CKB: variants seen among roughly 807,000 people sequenced by gnomAD.
CKB encodes creatine kinase B-type.
CKB carries 15 observed loss-of-function variants against 36.9 expected under a neutral mutation model. The ratio of observed to expected loss-of-function variants is 0.41; its 90% CI spans 0.27 to 0.63. The LOEUF (loss-of-function observed/expected upper bound fraction) is 0.63. CKB is among the 20% of genes least tolerant of loss of function. The pLI is 0.34. For missense variants in CKB, 413 were observed against 534.9 expected (o/e 0.77, Z 2.25); for synonymous variants, 250 against 228.2 (o/e 1.10, Z -0.86).
chr14:103,522,612 G>A lies in CKB; in HGVS notation c.-12-107C>T, dbSNP rs1303905072. 8.6e-6 allele frequency: 7 copies of A among 809,656 alleles called. No individual in the cohort carries two copies. In the African/African-American group the frequency reaches 1.3e-4, roughly 15 times the overall value. 50.2% of individuals were successfully genotyped at this position (809,656 alleles called of 1,614,324 possible). ...GGCCCCCCGGCGCCCCCCGGGACGC[G>A]GCCAAGGTCAGCGGGGTCCGCAGCG... On this transcript the variant is annotated intron_variant, in intron 1 of 7. Transcript: ENST00000348956. This position sits in a 1 kb window ranked among gnomAD's most constrained non-coding sequence, Gnocchi z 6.7.
intron 6 of CKB, 22 bp from the exon 7 acceptor site, chr14:103,520,333 T>A: frequency 6.3e-7 from 1 of 1,595,890 alleles, no homozygotes. Flanking sequence ...GAAGAGGGTA[T>A]GAGGGAGAAG....
rs758979411 is a variant in CKB at position 103,522,219 on chromosome 14, C to G, written c.194-42G>C. 6.4e-7 allele frequency: 1 copy of G among 1,551,052 alleles called. No homozygotes were observed. The highest frequency in any genetic ancestry group is 1.4e-5 in the African/African-American group (1 of 72,082). ...GGGACGGGGACAGTGACGTCACTGC[C>G]GGGCCCGAGCGCGCTGCTGAGGACC... On this transcript the variant is annotated intron_variant, in intron 2 of 7. Coordinates refer to ENST00000348956, the MANE Select transcript of CKB (RefSeq NM_001823.5). This position sits in a 1 kb window ranked among gnomAD's most constrained non-coding sequence, Gnocchi z 6.7.
In CKB at chr14:103,520,172, T is replaced by C; in HGVS notation, c.917A>G (p.Glu306Gly). 2 of 1,611,570 alleles carry C rather than the reference T, an allele frequency of 1.2e-6. No individual in the cohort carries two copies. ...CCGCTTAAGCACCTCCGAGAACTTC[T>C]CATGCTTGCCCAGGTTGGGCAGCTT... The part of the protein sequence containing the change: ...HIKLPNLGKH[E>G]KFSEVLKRLR... The change falls in exon 7 of 8, where the codon GAG (glutamate) becomes GGG (glycine). Residue 306 changes from glutamate (E) to glycine (G), a missense_variant. This residue lies in a region of CKB where 314 missense variants were observed against 409.4 expected (regional missense o/e 0.77). Coordinates refer to ENST00000348956, the MANE Select transcript of CKB (RefSeq NM_001823.5).
Position 103,522,387 on chromosome 14 carries a change from G to C in CKB, c.107C>G (p.Pro36Arg). Residue 36 changes from proline to arginine, a missense_variant, in exon 2 of 8, where the codon CCC becomes CGC. Around this residue, in one of 3 missense-constraint regions of CKB, gnomAD observed 74 missense variants for 70.6 expected, o/e 1.05. Transcript: ENST00000348956. This position sits in a 1 kb window ranked among gnomAD's most constrained non-coding sequence, Gnocchi z 6.7. ...GGCGCGCAGCTCCGCGTACAGCTCG[G>C]GGGTCAGCACCTTGGCCATGTGGTT... ...HNNHMAKVLT[P>R]ELYAELRAKS... 1.2e-6 allele frequency: 2 copies of C among 1,611,664 alleles called. No individual in the cohort carries two copies. The highest frequency in any genetic ancestry group is 2.2e-5 in the South Asian group (2 of 91,032).
rs747114408 is a variant in CKB, at chr14:103,521,915, G to C, written c.384C>G (p.Ser128Arg). The stretch of plus-strand genomic sequence containing the variant: ...TGCTGCGGCCCGTGCGCACCCGCGA[G>C]CTCAGCACGTAGTTGGGGTCCAGGT... Reference protein sequence around the residue: ...GDDLDPNYVLSSRVRTGRSIR... With the variant: ...GDDLDPNYVLRSRVRTGRSIR... The change falls in exon 4 of 8, where the codon AGC becomes AGG. Residue 128 changes from serine (S) to arginine (R), a missense_variant. Around this residue, in one of 3 missense-constraint regions of CKB, gnomAD observed 314 missense variants for 409.4 expected, o/e 0.77. Coordinates refer to ENST00000348956, the MANE Select transcript of CKB (RefSeq NM_001823.5). 2 of 1,580,528 alleles carry C rather than the reference G, an allele frequency of 1.3e-6. No individual in the cohort carries two copies. The highest frequency in any genetic ancestry group is 1.7e-6 in the Non-Finnish European group (2 of 1,171,628).
chr14:103,522,086 G>A lies in CKB; in HGVS notation c.285C>T (p.Asp95=). The A allele has an allele frequency of 6.4e-7, 1 of 1,571,014 alleles. No individual in the cohort carries two copies. The highest frequency in any genetic ancestry group is 8.6e-7 in the Non-Finnish European group (1 of 1,158,606). Residue 95 remains aspartate, a synonymous_variant, in exon 3 of 8, where the codon GAC becomes GAT. Transcript: ENST00000348956. This position sits in a 1 kb window ranked among gnomAD's most constrained non-coding sequence, Gnocchi z 6.7. ...FKDLFDPIIE[D]RHGGYKPSDE... ...CGCTGGGCTTGTAGCCGCCGTGCCGGTCCTCGATGATGGGGTCGAAGAGAT... is the reference window on the plus strand; with the variant it reads ...CGCTGGGCTTGTAGCCGCCGTGCCGATCCTCGATGATGGGGTCGAAGAGAT...
Position 103,521,505 on chromosome 14 carries a change from C to A in CKB, c.482-71G>T, listed in dbSNP as rs575158421. The A allele has an allele frequency of 3.8e-3, 5,134 of 1,341,294 alleles. 19 individuals carry two copies. The highest frequency in any genetic ancestry group is 0.015 in the Middle Eastern group (55 of 3,690). The allele number at this position is 1,341,294 out of a possible 1,614,324, so 83.1% of individuals were successfully genotyped here. Reference sequence around the variant, plus strand: ...CCAGCCCGCAGCGCGGACCCGCCCGCCCCCGTGCCCCACCTCGGGGGACGT... The same window carrying A: ...CCAGCCCGCAGCGCGGACCCGCCCGACCCCGTGCCCCACCTCGGGGGACGT... On this transcript the variant is annotated intron_variant, in intron 4 of 7. Transcript: ENST00000348956.
chr14:103,520,693 G>A (rs1200227671), intron 5 of CKB, 101 bp from the exon 6 acceptor site: 1 of 1,437,408 alleles, frequency 7.0e-7, no homozygotes, highest in African/African-American at 1.4e-5. Context: ...TCCCTGCCAT[G>A]CCCAGGAGTG....
chr14:103,522,220 G>A lies in CKB; in HGVS notation c.194-43C>T, dbSNP rs1204495693. The stretch of plus-strand genomic sequence containing the variant: ...GGACGGGGACAGTGACGTCACTGCC[G>A]GGCCCGAGCGCGCTGCTGAGGACCC... On this transcript the variant is annotated intron_variant, in intron 2 of 7. Transcript: ENST00000348956. This position sits in a 1 kb window ranked among gnomAD's most constrained non-coding sequence, Gnocchi z 6.7. 5.7e-6 allele frequency: 9 copies of A among 1,584,358 alleles called. No individual in the cohort carries two copies. Among genetic ancestry groups the A allele is most frequent in the Admixed American group, 1.8e-5 (1 of 56,666 alleles).
In CKB at chr14:103,519,994, G is replaced by A; in HGVS notation, c.1016C>T (p.Ala339Val). 1.2e-6 allele frequency: 2 copies of A among 1,611,032 alleles called. No individual in the cohort carries two copies. Among genetic ancestry groups the A allele is most frequent in the Non-Finnish European group, 1.7e-6 (2 of 1,179,972 alleles). ...AVGGVFDVSN[A>V]DRLGFSEVEL... ...CACCTCTGAGAAGCCCAGGCGGTCAGCGTTGGAGACGTCGAAGACCCCGCC... is the reference window on the plus strand; with the variant it reads ...CACCTCTGAGAAGCCCAGGCGGTCAACGTTGGAGACGTCGAAGACCCCGCC... Residue 339 changes from alanine (A) to valine (V), a missense_variant, in exon 8 of 8, where the codon GCT (alanine) becomes GTT (valine). This residue lies in a region of CKB where 314 missense variants were observed against 409.4 expected (regional missense o/e 0.77). Transcript: ENST00000348956.
intron 5 of CKB, 166 bp downstream of exon 5, chr14:103,521,097 A>T: frequency 1.2e-6 from 1 of 868,782 alleles, no homozygotes; most frequent in Non-Finnish European, 1.9e-6. Flanking sequence ...TCACCGGCGC[A>T]GGAGGAGGCG....
chr14:103,520,398 G>T, intron 6 of CKB, 71 bp downstream of exon 6: 2 of 1,588,428 alleles, frequency 1.3e-6, no homozygotes, highest in Middle Eastern at 1.7e-4. Flanking sequence ...AAATCCCCCG[G>T]GGGGACTGAT....
At chr14:103,521,140 CCCCT>C (rs1298302194) in intron 5 of CKB, 119 bp downstream of exon 5, 4 of 1,229,450 alleles carry the variant, frequency 3.3e-6, no homozygotes, top group Non-Finnish European at 4.6e-6. Context: ...GCGCGGCCGG[CCCCT>C]CCCTCCTCCT....
chr14:103,521,562 G>T, intron 4 of CKB, 128 bp from the exon 5 acceptor site: 1 of 1,023,634 alleles, frequency 9.8e-7, no homozygotes, highest in Non-Finnish European at 1.3e-6. Context: ...ATCTGCGGGC[G>T]TCCAGTCCTC....
chr14:103,522,217 G>A lies in CKB; in HGVS notation c.194-40C>T, dbSNP rs574657058. The A allele has an allele frequency of 3.4e-5, 54 of 1,586,854 alleles. 2 individuals carry two copies. In the South Asian group the frequency reaches 4.6e-4, roughly 14 times the overall value. Reference sequence around the variant, plus strand: ...GCGGGACGGGGACAGTGACGTCACTGCCGGGCCCGAGCGCGCTGCTGAGGA... The same window carrying A: ...GCGGGACGGGGACAGTGACGTCACTACCGGGCCCGAGCGCGCTGCTGAGGA... On this transcript the variant is annotated intron_variant, in intron 2 of 7. Coordinates refer to ENST00000348956, the MANE Select transcript of CKB (RefSeq NM_001823.5). This position sits in a 1 kb window ranked among gnomAD's most constrained non-coding sequence, Gnocchi z 6.7.
intron 4 of CKB, 96 bp downstream of exon 4, chr14:103,521,722 G>A: frequency 4.8e-6 from 6 of 1,261,682 alleles, no homozygotes; most frequent in Admixed American, 4.2e-5. Flanking sequence ...GCGCGACGGC[G>A]GCTGCCGCTC....
chr14:103,520,793 C>A, intron 5 of CKB: 1 of 741,104 alleles, frequency 1.3e-6, no homozygotes, highest in Non-Finnish European at 2.1e-6. Context: ...TGCCATCATG[C>A]GCTGTGGCCT....
chr14:103,520,751 A>T, intron 5 of CKB, 159 bp from the exon 6 acceptor site: 1 of 1,033,202 alleles, frequency 9.7e-7, no homozygotes, highest in Non-Finnish European at 1.4e-6. Context: ...GGGCGGGGGA[A>T]CCGGGACGCC....
intron 5 of CKB, 117 bp from the exon 6 acceptor site, chr14:103,520,709 T>C (rs1448889863): frequency 1.6e-5 from 22 of 1,388,664 alleles, no homozygotes; most frequent in Non-Finnish European, 2.1e-5. Context: ...GAGTGGAGGC[T>C]GCTGCCAAGA....
Sources: gnomAD v4.1 joint callset for allele counts on GRCh38, gnomAD v4.1.1 for gene constraint, gnomAD v4.1.1 regional missense constraint, Gnocchi (gnomAD v3.1) non-coding constraint, MANE v1.5 for transcripts, NCBI Gene and HGNC (gene_info 2026-07-23, HGNC 2026-07-21) for gene names.